ATP6V1D: variants seen among roughly 807,000 people sequenced by gnomAD.
The protein encoded by ATP6V1D is ATPase H+ transporting V1 subunit D, also known as V-type proton ATPase subunit D.
ATP6V1D carries 20 observed loss-of-function variants against 39.4 expected under a neutral mutation model. The observed-to-expected ratio is 0.51, with a 90% CI of 0.36 to 0.74. The LOEUF (loss-of-function observed/expected upper bound fraction) is 0.74, where lower values mean the gene tolerates loss of function less well. Among genes scored for constraint, ATP6V1D ranks in the 30% least tolerant of loss-of-function variants. The probability of loss-of-function intolerance (pLI) is 0.00; values close to 1 mark genes in which losing one functional copy is unlikely to be tolerated. For missense variants in ATP6V1D, 228 were observed against 291.6 expected (o/e 0.78, Z 1.59); for synonymous variants, 100 against 100.5 (o/e 0.99, Z 0.03).
At chr14:67,342,860 A>T (rs1227120366) in intron 7 of ATP6V1D, among the ~76,000 whole-genome samples, 2 of 152,106 alleles carry the variant, frequency 1.3e-5, no homozygotes, top group African/African-American at 4.8e-5. Flanking sequence ...ATAAAAACTA[A>T]GTTTATTGAG....
intron 2 of ATP6V1D, 104 bp from the exon 3 acceptor site, chr14:67,350,794 G>A: frequency 1.8e-6 from 2 of 1,093,504 alleles, no homozygotes; most frequent in Non-Finnish European, 2.6e-6. Flanking sequence ...TATGCTGGCT[G>A]TGCATGTAAA....
At chr14:67,347,558 A>G in intron 4 of ATP6V1D, 105 bp from the exon 5 acceptor site, 2 of 977,222 alleles carry the variant, frequency 2.0e-6, no homozygotes, top group South Asian at 3.0e-5. Context: ...CTGGAATGCA[A>G]TGGCGTGATC....
intron 1 of ATP6V1D, among the ~76,000 whole-genome samples, 166 bp downstream of exon 1, chr14:67,359,492 G>A (rs2085712466): frequency 6.6e-6 from 1 of 152,078 alleles, no homozygotes; most frequent in Non-Finnish European, 1.5e-5. Context: ...GGAGGAATGC[G>A]CGAAGAGGCC....
At position 67,340,534 on chromosome 14, in the gene ATP6V1D, AAAT is replaced by A. The variant is rs2085572272; in HGVS notation, c.524-19_524-17del. 6.2e-7 allele frequency: 1 copy of A among 1,604,516 alleles called. No homozygotes were observed. The highest frequency in any genetic ancestry group is 8.5e-7 in the Non-Finnish European group (1 of 1,172,050). On this transcript the variant is annotated splice_polypyrimidine_tract_variant and intron_variant, in intron 7 of 8. Transcript: ENST00000216442. ...GGAATGATGACTAGAATAAAAAAAA[AAAT>A]AATATGTGTGAGAACTTCAAACCCC...
rs1299216382 is a variant in ATP6V1D, at chr14:67,359,774, GTGTC to G, written c.-80_-77del. ...AATAGCTCCAGAACTGGCCTCCACA[GTGTC>G]TTCCTCTACGGGAGTCAGCTGGTTG... On this transcript the variant is annotated 5_prime_UTR_variant, in exon 1 of 9. Transcript: ENST00000216442. 1 of 1,551,402 alleles carries G rather than the reference GTGTC, an allele frequency of 6.4e-7. No homozygotes were observed. The highest frequency in any genetic ancestry group is 2.2e-5 in the East Asian group (1 of 44,574).
Position 67,355,578 on chromosome 14 carries a change from T to C in ATP6V1D, c.42-2538A>G, listed in dbSNP as rs188681195. Reference sequence around the variant, plus strand: ...AGCAAACATGGTGTTCACTTTAGATTGGGTGATCAGGAACAGCCTCTCTTA... The same window carrying C: ...AGCAAACATGGTGTTCACTTTAGATCGGGTGATCAGGAACAGCCTCTCTTA... On this transcript the variant is annotated intron_variant, in intron 1 of 8. Transcript: ENST00000216442. Among the ~76,000 whole-genome samples, 910 of 151,642 alleles carry C rather than the reference T, an allele frequency of 6.0e-3. 9 individuals carry two copies. Among genetic ancestry groups the C allele is most frequent in the Non-Finnish European group, 7.6e-3 (517 of 67,944 alleles).
chr14:67,355,075 G>A (rs1475446597), intron 1 of ATP6V1D, among the ~76,000 whole-genome samples: 1 of 152,090 alleles, frequency 6.6e-6, no homozygotes, highest in Non-Finnish European at 1.5e-5. Context: ...GCCTCACAAA[G>A]TGCTAGGATT....
At position 67,338,668 on chromosome 14, in the gene ATP6V1D, C is replaced by G. The variant is rs1170137678; in HGVS notation, c.697G>C (p.Ala233Pro). The change falls in exon 9 of 9, where the codon GCT becomes CCT. Residue 233 changes from alanine (A) to proline (P), a missense_variant. Ala to Pro is a conservative substitution (Grantham distance 27). Around this residue, in one of 3 missense-constraint regions of ATP6V1D, gnomAD observed 114 missense variants for 128.3 expected, o/e 0.89. Coordinates refer to ENST00000216442, the MANE Select transcript of ATP6V1D (RefSeq NM_015994.4). ...TCCTTCTCTTCAGCCAGAAGATTAG[C>G]AGGCTCCAACACCTCTCCAGCTGCT... Reference protein sequence around the residue: ...RRAAGEVLEPANLLAEEKDED... With the variant: ...RRAAGEVLEPPNLLAEEKDED... The G allele has an allele frequency of 1.9e-6, 3 of 1,614,004 alleles. No homozygotes were observed. Among genetic ancestry groups the G allele is most frequent in the African/African-American group, 2.7e-5 (2 of 74,924 alleles).
chr14:67,344,836 G>A (rs186871346), intron 6 of ATP6V1D, among the ~76,000 whole-genome samples: 40 of 151,382 alleles, frequency 2.6e-4, no homozygotes, highest in African/African-American at 6.8e-4. Context: ...AGCCAAGATC[G>A]CAACACTGCA....
At position 67,338,552 on chromosome 14, in the gene ATP6V1D, C is replaced by T; in HGVS notation, c.*69G>A. On this transcript the variant is annotated 3_prime_UTR_variant, in exon 9 of 9. Coordinates refer to ENST00000216442, the MANE Select transcript of ATP6V1D (RefSeq NM_015994.4). ...CCAAAAAATAAATAGCCACACAAAT[C>T]AAACCTACACACTGTGAATTAAAAT... is the stretch of plus-strand genomic sequence containing the variant. 6.9e-7 allele frequency: 1 copy of T among 1,458,682 alleles called. No homozygotes were observed. Among genetic ancestry groups the T allele is most frequent in the Non-Finnish European group, 9.1e-7 (1 of 1,093,232 alleles). The allele number at this position is 1,458,682 out of a possible 1,614,324, so 90.4% of individuals were successfully genotyped here.
chr14:67,340,373 T>C, intron 8 of ATP6V1D, 67 bp downstream of exon 8: 2 of 1,348,966 alleles, frequency 1.5e-6, no homozygotes, highest in Non-Finnish European at 2.1e-6. Flanking sequence ...CAACAAGTCA[T>C]TCAGCAAATA....
At chr14:67,358,873 C>T (rs2085705376) in intron 1 of ATP6V1D, among the ~76,000 whole-genome samples, 1 of 152,208 alleles carries the variant, frequency 6.6e-6, no homozygotes, top group Non-Finnish European at 1.5e-5. Flanking sequence ...CAGCCCACAA[C>T]TGAGCGTATT....
chr14:67,342,223 T>TTAAA (rs1055806138), intron 7 of ATP6V1D, among the ~76,000 whole-genome samples: 7 of 93,460 alleles, frequency 7.5e-5, no homozygotes, highest in African/African-American at 4.2e-4. Context: ...TAAAATAAAA[T>TTAAA]AAAAAAAAAC....
chr14:67,345,288 G>A (rs979260503), intron 6 of ATP6V1D, among the ~76,000 whole-genome samples: 1 of 151,572 alleles, frequency 6.6e-6, no homozygotes, highest in African/African-American at 2.4e-5. Flanking sequence ...CAGGTGCAGT[G>A]GCTCATGCCT....
At chr14:67,348,143 C>T (rs368496514) in intron 4 of ATP6V1D, among the ~76,000 whole-genome samples, 10 of 151,958 alleles carry the variant, frequency 6.6e-5, no homozygotes, top group South Asian at 2.1e-4. Context: ...GGCGCAATCT[C>T]GGCTCACCAC....
intron 1 of ATP6V1D, 99 bp from the exon 2 acceptor site, chr14:67,353,139 T>C: frequency 2.2e-6 from 2 of 907,564 alleles, no homozygotes; most frequent in Non-Finnish European, 3.4e-6. Flanking sequence ...TATCCTTTGA[T>C]GTGATGAAAG....
intron 6 of ATP6V1D, 145 bp downstream of exon 6, chr14:67,345,623 T>C: frequency 1.8e-6 from 1 of 558,374 alleles, no homozygotes; most frequent in Non-Finnish European, 3.2e-6. Context: ...ACTTCAGAAA[T>C]CAAAATATTA....
chr14:67,338,316 G>A lies in ATP6V1D; in HGVS notation c.*305C>T. 4.6e-6 allele frequency: 1 copy of A among 218,494 alleles called. No individual in the cohort carries two copies. The highest frequency in any genetic ancestry group is 1.4e-4 in the South Asian group (1 of 6,930). The allele number at this position is 218,494 out of a possible 1,614,324, so 13.5% of individuals were successfully genotyped here. On this transcript the variant is annotated 3_prime_UTR_variant, in exon 9 of 9. Coordinates refer to ENST00000216442, the MANE Select transcript of ATP6V1D (RefSeq NM_015994.4). ...TGAGACCGCTAATGCTTCCTAAGAG[G>A]TATTTCCTAATATGCTTGGTAAGCA... is the stretch of plus-strand genomic sequence containing the variant.
intron 6 of ATP6V1D, among the ~76,000 whole-genome samples, chr14:67,344,395 A>G (rs954014105): frequency 6.6e-6 from 1 of 152,210 alleles, no homozygotes; most frequent in African/African-American, 2.4e-5. Context: ...TTGAGTTGAC[A>G]CTATTATAAT....
Sources: gnomAD v4.1 joint callset for allele counts (sites outside exome capture counted in the v4.1 genomes callset) on GRCh38, gnomAD v4.1.1 for gene constraint, gnomAD v4.1.1 regional missense constraint, MANE v1.5 for transcripts, NCBI Gene and HGNC (gene_info 2026-07-23, HGNC 2026-07-21) for gene names.